Variants in FHAD1 observed in about 807,000 individuals in gnomAD.
FHAD1 encodes forkhead-associated domain-containing protein 1.
A neutral mutation model predicts 191.3 loss-of-function variants in FHAD1; 146 were observed. The observed-to-expected ratio is 0.76, with a 90% CI of 0.67 to 0.88. FHAD1 has a LOEUF of 0.88. Ranked by LOEUF, FHAD1 falls within the 40% of genes least tolerant of loss-of-function variation. The pLI is 0.00. For missense variants in FHAD1, 1,635 were observed against 1,785.8 expected (o/e 0.92, Z 1.52); for synonymous variants, 616 against 672.3 (o/e 0.92, Z 1.29).
chr1:15,357,198 A>G (rs1693086529), intron 20 of FHAD1, among the ~76,000 whole-genome samples: 1 of 152,240 alleles, frequency 6.6e-6, no homozygotes, highest in Non-Finnish European at 1.5e-5. Context: ...GAGTTTAAGA[A>G]TGCCCAGTAC....
chr1:15,246,294 A>G (rs1475425328), upstream of FHAD1, among the ~76,000 whole-genome samples: 1 of 152,168 alleles, frequency 6.6e-6, no homozygotes, highest in African/African-American at 2.4e-5. Flanking sequence ...TGGGGAGTGC[A>G]ATTCGAGATG....
intron 2 of FHAD1, among the ~76,000 whole-genome samples, chr1:15,271,620 C>CGCATGCGAAATAACTAATT (rs1553233852): frequency 1.8e-4 from 27 of 151,692 alleles, no homozygotes; most frequent in Non-Finnish European, 3.4e-4. Context: ...AATAACTAAT[C>CGCATGCGAAATAACTAATT]GCATGGGAAA....
At chr1:15,373,007 G>A (rs1173981621) in intron 26 of FHAD1, among the ~76,000 whole-genome samples, 1 of 152,176 alleles carries the variant, frequency 6.6e-6, no homozygotes, top group Non-Finnish European at 1.5e-5. Context: ...ATAAGCCTTG[G>A]CACATAGAGG....
At chr1:15,299,010 AAAAAAACAAAAAC>A (rs1400858161) in intron 5 of FHAD1, among the ~76,000 whole-genome samples, 3 of 148,742 alleles carry the variant, frequency 2.0e-5, no homozygotes, top group Admixed American at 6.6e-5. Flanking sequence ...TTCTGCAAAA[AAAAAAACAAAAAC>A]AAAAAACAAA....
Position 15,247,373 on chromosome 1 carries a change from C to A in FHAD1, c.-37C>A. 1 of 225,562 alleles carries A rather than the reference C, an allele frequency of 4.4e-6. No individual in the cohort carries two copies. The allele number at this position is 225,562 out of a possible 1,614,324, so 14.0% of individuals were successfully genotyped here. A position where few individuals can be genotyped will look rare whatever the true frequency, so the allele number is the denominator to read the frequency against. On this transcript the variant is annotated 5_prime_UTR_variant, in exon 1 of 34. Coordinates refer to ENST00000688493, the MANE Select transcript of FHAD1 (RefSeq NM_001391957.1). The stretch of plus-strand genomic sequence containing the variant: ...GCAGGGCTCTCGGCGGAGGTCGGAG[C>A]GTGGGCTTCCTCCTCCCGCCAGGTG...
At chr1:15,282,627 T>C (rs1661014522) in intron 3 of FHAD1, among the ~76,000 whole-genome samples, 1 of 152,228 alleles carries the variant, frequency 6.6e-6, no homozygotes, top group Non-Finnish European at 1.5e-5. Context: ...AGTTTATGAA[T>C]ACCAGAAGAA....
downstream of FHAD1, among the ~76,000 whole-genome samples, chr1:15,402,416 T>G (rs1441557313): frequency 6.6e-6 from 1 of 152,224 alleles, no homozygotes; most frequent in Non-Finnish European, 1.5e-5. Context: ...ATATGTGCCA[T>G]GTTGGTGTGC....
At position 15,281,122 on chromosome 1, in the gene FHAD1, C is replaced by T. The variant is rs115186594; in HGVS notation, c.301-8277C>T. Among the ~76,000 whole-genome samples the T allele has an allele frequency of 6.0e-3, 907 of 152,298 alleles. 5 individuals carry two copies. The highest frequency in any genetic ancestry group is 0.01 in the Non-Finnish European group (709 of 68,022). ...TTGCCCCATTTTGAATCCTGGCACC[C>T]GCCAGGGGCTGTTGAGATGGAGAAG... On this transcript the variant is annotated intron_variant, in intron 3 of 33. Transcript: ENST00000688493.
chr1:15,332,201 A>C (rs1236282344), intron 14 of FHAD1, among the ~76,000 whole-genome samples: 2 of 152,200 alleles, frequency 1.3e-5, no homozygotes, highest in South Asian at 2.1e-4. Flanking sequence ...CTGTTCTTGC[A>C]ATCAAGGCAG....
chr1:15,360,820 C>G (rs1694547851), intron 22 of FHAD1, 117 bp downstream of exon 22: 1 of 833,292 alleles, frequency 1.2e-6, no homozygotes, highest in Non-Finnish European at 1.9e-6. Flanking sequence ...AAAGCTCATT[C>G]ATTCTCTGAG....
chr1:15,397,295 A>T lies in FHAD1; in HGVS notation c.4324-2A>T. On this transcript the variant is annotated splice_acceptor_variant, in intron 33 of 33. Transcript: ENST00000688493. LOFTEE classifies it high-confidence loss of function. ...GTGTGTTTTTTCTCTTGCTTGTTAA[A>T]GGTTGGAACCAGAAAAGCCTCCCTA... 10 of 1,469,762 alleles carry T rather than the reference A, an allele frequency of 6.8e-6. No homozygotes were observed. The highest frequency in any genetic ancestry group is 5.5e-6 in the Non-Finnish European group (6 of 1,083,820). 91.0% of individuals were successfully genotyped at this position (1,469,762 alleles called of 1,614,324 possible). A position where few individuals can be genotyped will look rare whatever the true frequency, so the allele number is the denominator to read the frequency against.
intron 2 of FHAD1, among the ~76,000 whole-genome samples, chr1:15,272,098 A>G (rs1656293866): frequency 6.6e-6 from 1 of 152,192 alleles, no homozygotes; most frequent in Non-Finnish European, 1.5e-5. Context: ...ACCTGTCCCC[A>G]GGTCTGGTGT....
At chr1:15,264,761 G>A (rs1652708364) in intron 2 of FHAD1, among the ~76,000 whole-genome samples, 1 of 152,066 alleles carries the variant, frequency 6.6e-6, no homozygotes, top group Non-Finnish European at 1.5e-5. Context: ...TGGTCTTAGA[G>A]GAAAAGTCTT....
chr1:15,286,783 C>T (rs1662600866), intron 3 of FHAD1, among the ~76,000 whole-genome samples: 1 of 152,220 alleles, frequency 6.6e-6, no homozygotes, highest in South Asian at 2.1e-4. Flanking sequence ...CTGGCCTGGC[C>T]ACTGCAGAAG....
At chr1:15,300,793 C>A (rs368061268) in intron 5 of FHAD1, among the ~76,000 whole-genome samples, 1 of 152,130 alleles carries the variant, frequency 6.6e-6, no homozygotes, top group Non-Finnish European at 1.5e-5. Flanking sequence ...CTTTTCCCTG[C>A]CTGCCTGCCC....
At position 15,349,104 on chromosome 1, in the gene FHAD1, G is replaced by C. The variant is rs576612276; in HGVS notation, c.2409G>C (p.Lys803Asn). 6.4e-7 allele frequency: 1 copy of C among 1,551,660 alleles called. No homozygotes were observed. The highest frequency in any genetic ancestry group is 8.7e-7 in the Non-Finnish European group (1 of 1,146,966). The change falls in exon 19 of 34, where the codon AAG becomes AAC. Residue 803 changes from lysine (K) to asparagine (N), a missense_variant. Transcript: ENST00000688493. The stretch of plus-strand genomic sequence containing the variant: ...CAAAGGAAGCCTTGGAGTCGGAAAA[G>C]AGAAAAGTTCAGGATCTGGAGAACC... The part of the protein sequence containing the change: ...RKAKEALESE[K>N]RKVQDLENHL...
Position 15,380,862 on chromosome 1 carries a change from C to CG in FHAD1, c.3801+67dup. 4.3e-6 allele frequency: 5 copies of CG among 1,167,856 alleles called. No individual in the cohort carries two copies. The South Asian group carries it at 6.7e-5, about 16-fold the overall frequency. The allele number at this position is 1,167,856 out of a possible 1,614,324, so 72.3% of individuals were successfully genotyped here. On this transcript the variant is annotated intron_variant, in intron 29 of 33. Coordinates refer to ENST00000688493, the MANE Select transcript of FHAD1 (RefSeq NM_001391957.1). ...TGGGGCCCCTGCAGTCAGTGTTGAA[C>CG]GCAGGATAGTTTAAATATCAACCTC...
intron 24 of FHAD1, among the ~76,000 whole-genome samples, chr1:15,367,234 A>G (rs1404448995): frequency 2.0e-5 from 3 of 152,120 alleles, no homozygotes; most frequent in African/African-American, 7.2e-5. Context: ...GCTACCTTAC[A>G]CCTGTAGTCC....
chr1:15,296,548 C>G, intron 4 of FHAD1, 136 bp from the exon 5 acceptor site: 2 of 874,826 alleles, frequency 2.3e-6, no homozygotes, highest in Non-Finnish European at 3.7e-6. Context: ...CCACAGCGCC[C>G]GGCCTTTAAT....
Sources: allele counts gnomAD v4.1 joint callset (sites outside exome capture counted in the v4.1 genomes callset), GRCh38; gene constraint gnomAD v4.1.1; transcripts MANE v1.5; gene names NCBI Gene and HGNC (gene_info 2026-07-23, HGNC 2026-07-21).